FHIT: variants seen among roughly 807,000 people sequenced by gnomAD.
The protein encoded by FHIT is bis(5'-adenosyl)-triphosphatase.
FHIT carries 19 observed loss-of-function variants against 17.9 expected under a neutral mutation model. The ratio of observed to expected loss-of-function variants is 1.06; its 90% CI spans 0.74 to 1.56. The LOEUF (loss-of-function observed/expected upper bound fraction) is 1.56, where lower values mean the gene tolerates loss of function less well. FHIT is among the 40% of genes most tolerant of loss of function. The pLI is 0.00. For synonymous variants in FHIT, 81 were observed against 69.7 expected, an observed-to-expected ratio of 1.16 and a Z score of -0.81; for missense variants, 248 against 189.2, an observed-to-expected ratio of 1.31 and a Z score of -1.82.
chr3:60,010,048 G>T (rs2106675020), intron 7 of FHIT, among the ~76,000 whole-genome samples: 1 of 152,290 alleles, frequency 6.6e-6, no homozygotes, highest in South Asian at 2.1e-4. Flanking sequence ...TTCAATGGCT[G>T]AAGGAATTCC....
intron 5 of FHIT, among the ~76,000 whole-genome samples, chr3:60,522,985 A>T (rs1225360836): frequency 6.6e-6 from 1 of 152,168 alleles, no homozygotes; most frequent in Non-Finnish European, 1.5e-5. Flanking sequence ...GCAGAAGTCA[A>T]AAGGCACATC....
intron 1 of FHIT, among the ~76,000 whole-genome samples, chr3:61,200,923 G>A (rs2038992732): frequency 6.6e-6 from 1 of 152,168 alleles, no homozygotes; most frequent in Non-Finnish European, 1.5e-5. Flanking sequence ...CTTTTGGAGT[G>A]TGTACTCCTC....
intron 4 of FHIT, among the ~76,000 whole-genome samples, chr3:60,613,426 G>A (rs2038846597): frequency 6.6e-6 from 1 of 152,148 alleles, no homozygotes; most frequent in Non-Finnish European, 1.5e-5. Context: ...TCTAAAGAGT[G>A]GAGTCCAAAA....
intron 5 of FHIT, among the ~76,000 whole-genome samples, chr3:60,478,377 C>A (rs745578362): frequency 6.6e-6 from 1 of 152,092 alleles, no homozygotes; most frequent in African/African-American, 2.4e-5. Flanking sequence ...TCAAGGGAAA[C>A]GGAATCAAGC....
intron 8 of FHIT, among the ~76,000 whole-genome samples, chr3:59,828,757 T>G (rs1701061047): frequency 6.6e-6 from 1 of 152,168 alleles, no homozygotes; most frequent in African/African-American, 2.4e-5. Context: ...GATATGTGAT[T>G]CCTTTACAAG....
In FHIT at chr3:60,201,848, GAAA is replaced by G. The variant is rs5849343; in HGVS notation, c.104-187699_104-187697del. Among the ~76,000 whole-genome samples, 21 of 147,920 alleles carry G rather than the reference GAAA, an allele frequency of 1.4e-4. No homozygotes were observed. In the South Asian group the frequency reaches 1.5e-3, roughly 11 times the overall value. On this transcript the variant is annotated intron_variant, in intron 5 of 9. Coordinates refer to ENST00000492590, the MANE Select transcript of FHIT (RefSeq NM_002012.4). ...TAAACTTCTTTTGGAGTCTCAGGGAGAAAAAAAAAAAAATAGAATGCTTTAGAA... is the reference window on the plus strand; with the variant it reads ...TAAACTTCTTTTGGAGTCTCAGGGAGAAAAAAAAAATAGAATGCTTTAGAA...
At chr3:60,767,709 T>A (rs1553721872) in intron 4 of FHIT, among the ~76,000 whole-genome samples, 1 of 152,220 alleles carries the variant, frequency 6.6e-6, no homozygotes, top group East Asian at 1.9e-4. Flanking sequence ...GAAAGAGGCT[T>A]TGGCAAGCTC....
At chr3:61,083,003 T>A (rs2106783017) in intron 2 of FHIT, among the ~76,000 whole-genome samples, 1 of 152,296 alleles carries the variant, frequency 6.6e-6, no homozygotes, top group African/African-American at 2.4e-5. Context: ...GATATTTATA[T>A]GATCTGAATA....
At chr3:61,153,993 A>G (rs553664039) in intron 2 of FHIT, among the ~76,000 whole-genome samples, 1 of 152,358 alleles carries the variant, frequency 6.6e-6, no homozygotes, top group East Asian at 1.9e-4. Flanking sequence ...ATCAAAGTTT[A>G]ACTCCTCAAG....
At chr3:60,418,430 G>GTA (rs1166001001) in intron 5 of FHIT, among the ~76,000 whole-genome samples, 27 of 101,160 alleles carry the variant, frequency 2.7e-4, no homozygotes, top group African/African-American at 7.3e-4. Context: ...ATATATACGT[G>GTA]TATACACACA....
chr3:60,441,698 G>C (rs1342760866), intron 5 of FHIT, among the ~76,000 whole-genome samples: 3 of 6,918 alleles, frequency 4.3e-4, no homozygotes, highest in African/African-American at 1.2e-3. Flanking sequence ...GCATCTGTAG[G>C]TATTTATATA....
intron 4 of FHIT, chr3:60,732,129 A>G: frequency 1.4e-6 from 1 of 730,692 alleles, no homozygotes; most frequent in South Asian, 1.5e-5. Context: ...GGTTAAGAGA[A>G]AACACAAGTC....
intron 5 of FHIT, among the ~76,000 whole-genome samples, chr3:60,460,199 A>C (rs972213499): frequency 6.6e-6 from 1 of 152,176 alleles, no homozygotes; most frequent in African/African-American, 2.4e-5. Context: ...CGGGGGGCAA[A>C]TCTGATGAGG....
At chr3:60,555,087 G>A (rs1385147822) in intron 4 of FHIT, among the ~76,000 whole-genome samples, 1 of 152,186 alleles carries the variant, frequency 6.6e-6, no homozygotes, top group African/African-American at 2.4e-5. Context: ...AACAAGTTTA[G>A]AAGTATATAA....
chr3:60,975,526 A>G (rs1434772038), intron 3 of FHIT, among the ~76,000 whole-genome samples: 2 of 152,230 alleles, frequency 1.3e-5, no homozygotes, highest in Non-Finnish European at 2.9e-5. Flanking sequence ...AGCCATTTCA[A>G]AATCCCCAAA....
intron 5 of FHIT, among the ~76,000 whole-genome samples, chr3:60,434,171 T>C (rs2029994141): frequency 6.6e-6 from 1 of 152,130 alleles, no homozygotes; most frequent in Non-Finnish European, 1.5e-5. Context: ...ACTGTATACC[T>C]TGTCTGTACC....
At chr3:60,313,001 A>G (rs933339121) in intron 5 of FHIT, among the ~76,000 whole-genome samples, 5 of 152,178 alleles carry the variant, frequency 3.3e-5, no homozygotes, top group African/African-American at 9.7e-5. Context: ...TCAGGTTGAT[A>G]TGATTTCCCC....
At chr3:60,076,217 T>G (rs905253085) in intron 5 of FHIT, among the ~76,000 whole-genome samples, 17 of 152,108 alleles carry the variant, frequency 1.1e-4, no homozygotes, top group African/African-American at 4.1e-4. Flanking sequence ...TCTTCCCTTT[T>G]CCACATCCAC....
At chr3:61,104,344 A>G (rs1312700680) in intron 2 of FHIT, among the ~76,000 whole-genome samples, 4 of 152,198 alleles carry the variant, frequency 2.6e-5, no homozygotes, top group African/African-American at 7.2e-5. Context: ...TTGGCTGGAT[A>G]TGAAATTCTG....
Sources: gnomAD v4.1 joint callset for allele counts (sites outside exome capture counted in the v4.1 genomes callset) on GRCh38, gnomAD v4.1.1 for gene constraint, MANE v1.5 for transcripts, NCBI Gene and HGNC (gene_info 2026-07-23, HGNC 2026-07-21) for gene names.